Variants in KRT18 observed in about 807,000 individuals in gnomAD.
The protein encoded by KRT18 is keratin, type I cytoskeletal 18.
A neutral mutation model predicts 39.9 loss-of-function variants in KRT18; 8 were observed. The observed-to-expected ratio is 0.20, with a 90% CI of 0.12 to 0.36. KRT18 has a LOEUF of 0.36. Ranked by LOEUF, KRT18 falls within the 10% of genes least tolerant of loss-of-function variation. The probability of loss-of-function intolerance (pLI) is 1.00; values close to 1 mark genes in which losing one functional copy is unlikely to be tolerated. For synonymous variants in KRT18, 194 were observed against 227.8 expected (o/e 0.85, Z 1.33); for missense variants, 396 against 565.7 (o/e 0.70, Z 3.04).
Position 52,950,397 on chromosome 12 carries a change from G to C in KRT18, c.487G>C (p.Asp163His). The change falls in exon 2 of 7, where the codon GAC becomes CAC. Residue 163 changes from aspartate to histidine, a missense_variant. Physicochemically the swap from Asp to His is moderately conservative, Grantham distance 81. Transcript: ENST00000388835. ...TGACAATGCCCGTCTTGCTGCTGATGACTTTAGAGTCAAGTAAGTTTGGGG... is the reference window on the plus strand; with the variant it reads ...TGACAATGCCCGTCTTGCTGCTGATCACTTTAGAGTCAAGTAAGTTTGGGG... ...QIDNARLAAD[D>H]FRVKYETELA... 5 of 1,612,184 alleles carry C rather than the reference G, an allele frequency of 3.1e-6. No individual in the cohort carries two copies. Among genetic ancestry groups the C allele is most frequent in the Non-Finnish European group, 4.2e-6 (5 of 1,178,360 alleles).
chr12:52,951,363 G>T, intron 3 of KRT18, 118 bp from the exon 4 acceptor site: 1 of 1,056,000 alleles, frequency 9.5e-7, no homozygotes, highest in Non-Finnish European at 1.5e-6. Flanking sequence ...TGCAAGCCAA[G>T]GGGTTCCTCC....
At chr12:52,952,691 T>C in intron 6 of KRT18, 31 bp from the exon 7 acceptor site, 2 of 1,609,510 alleles carry the variant, frequency 1.2e-6, no homozygotes, top group South Asian at 2.2e-5. Flanking sequence ...CACGGGGCTG[T>C]TTATAACTTG....
rs1170196292 is a variant in KRT18 at position 52,949,383 on chromosome 12, T to C, written c.210T>C (p.Gly70=). ...SGGLATGIAG[G]LAGMGGIQNE... ...GCCTGGCCACCGGGATAGCCGGGGGTCTGGCAGGAATGGGAGGCATCCAGA... is the reference window on the plus strand; with the variant it reads ...GCCTGGCCACCGGGATAGCCGGGGGCCTGGCAGGAATGGGAGGCATCCAGA... The change falls in exon 1 of 7, where the codon GGT becomes GGC. Residue 70 remains glycine, a synonymous_variant. Transcript: ENST00000388835. 1 of 1,610,044 alleles carries C rather than the reference T, an allele frequency of 6.2e-7. No homozygotes were observed. Among genetic ancestry groups the C allele is most frequent in the Admixed American group, 1.7e-5 (1 of 59,926 alleles).
At chr12:52,952,387 A>G (rs1942507615) in intron 6 of KRT18, 45 bp downstream of exon 6, 1 of 1,314,186 alleles carries the variant, frequency 7.6e-7, no homozygotes, top group South Asian at 1.3e-5. Context: ...TCAGGAGATC[A>G]CTTCTCCCCA....
rs781505728 is a variant in KRT18 at position 52,952,331 on chromosome 12, C to T, written c.1161C>T (p.Gly387=). The T allele has an allele frequency of 1.3e-6, 2 of 1,598,898 alleles. No individual in the cohort carries two copies. The highest frequency in any genetic ancestry group is 1.3e-5 in the African/African-American group (1 of 74,770). Reference sequence around the variant, plus strand: ...CCTACCGCCGCCTGCTGGAAGATGGCGAGGACTTTAAGTGAGTGGGGCTCT... The same window carrying T: ...CCTACCGCCGCCTGCTGGAAGATGGTGAGGACTTTAAGTGAGTGGGGCTCT... ...IATYRRLLED[G]EDFNLGDALD... The change falls in exon 6 of 7, where the codon GGC becomes GGT. Residue 387 remains glycine (G), a synonymous_variant. Coordinates refer to ENST00000388835, the MANE Select transcript of KRT18 (RefSeq NM_000224.3).
Position 52,951,693 on chromosome 12 carries a change from C to G in KRT18, c.823-38C>G, listed in dbSNP as rs547738806. On this transcript the variant is annotated intron_variant, in intron 4 of 6. Transcript: ENST00000388835. The stretch of plus-strand genomic sequence containing the variant: ...TGCCAAGGTGTGGGAGGGAGGCAGA[C>G]GGAATGAGGGGCCTGATGGACTGTC... 2.5e-6 allele frequency: 4 copies of G among 1,612,924 alleles called. No homozygotes were observed. The East Asian group carries it at 8.9e-5, about 36-fold the overall frequency.
In KRT18 at chr12:52,950,330, C is replaced by A; in HGVS notation, c.420C>A (p.Ile140=). Residue 140 remains isoleucine (I), a splice_region_variant and synonymous_variant, in exon 2 of 7, where the codon ATC becomes ATA. Coordinates refer to ENST00000388835, the MANE Select transcript of KRT18 (RefSeq NM_000224.3). ...ACCTCTCTCTACAATCCCTCCAGAT[C>A]TTCGCAAATACTGTGGACAATGCCC... ...FKIIEDLRAQ[I]FANTVDNARI... 1 of 1,610,618 alleles carries A rather than the reference C, an allele frequency of 6.2e-7. No individual in the cohort carries two copies. Among genetic ancestry groups the A allele is most frequent in the Non-Finnish European group, 8.5e-7 (1 of 1,177,118 alleles).
chr12:52,949,905 A>G, intron 1 of KRT18: 1 of 666,960 alleles, frequency 1.5e-6, no homozygotes, highest in Non-Finnish European at 2.7e-6. Flanking sequence ...AATGGGGACT[A>G]TTGGAGGGTT....
At chr12:52,949,841 A>T in intron 1 of KRT18, 1 of 702,388 alleles carries the variant, frequency 1.4e-6, no homozygotes, top group Non-Finnish European at 2.6e-6. Context: ...AGTGGACAGC[A>T]TGGAGGGAGG....
chr12:52,949,020 T>C (rs1281787033), upstream of KRT18: 3 of 676,648 alleles, frequency 4.4e-6, no homozygotes, highest in African/African-American at 3.8e-5. Context: ...GGGCGCGGGC[T>C]CCGAGCCGTC....
intron 6 of KRT18, 171 bp downstream of exon 6, chr12:52,952,513 C>T: frequency 2.6e-6 from 2 of 755,702 alleles, no homozygotes; most frequent in East Asian, 2.6e-5. Context: ...ACAGAGGTCT[C>T]CCCCTTGAAG....
At chr12:52,951,452 C>A in intron 3 of KRT18, 29 bp from the exon 4 acceptor site, 1 of 1,612,496 alleles carries the variant, frequency 6.2e-7, no homozygotes, top group Non-Finnish European at 8.5e-7. Flanking sequence ...ACCCTGAACC[C>A]TCCTCACTTT....
chr12:52,951,059 A>G (rs1445126827), intron 3 of KRT18, among the ~76,000 whole-genome samples, 153 bp downstream of exon 3: 1 of 152,236 alleles, frequency 6.6e-6, no homozygotes, highest in Non-Finnish European at 1.5e-5. Flanking sequence ...TCTGATGAAG[A>G]GCATTCTCAG....
chr12:52,950,284 T>A, intron 1 of KRT18, 44 bp from the exon 2 acceptor site: 1 of 1,419,842 alleles, frequency 7.0e-7, no homozygotes, highest in Non-Finnish European at 1.0e-6. Flanking sequence ...CACCCATCCC[T>A]GGCTTTCTAT....
intron 6 of KRT18, 66 bp from the exon 7 acceptor site, chr12:52,952,656 T>C: frequency 6.3e-7 from 1 of 1,584,818 alleles, no homozygotes; most frequent in Admixed American, 1.7e-5. Context: ...TTTTTCCCTC[T>C]ACCTTTCTTG....
chr12:52,950,174 G>A, intron 1 of KRT18, 154 bp from the exon 2 acceptor site: 1 of 749,842 alleles, frequency 1.3e-6, no homozygotes, highest in South Asian at 1.4e-5. Flanking sequence ...AATGGGGTGG[G>A]GCTAGATGAA....
chr12:52,951,996 A>T, intron 5 of KRT18, 123 bp from the exon 6 acceptor site: 1 of 1,316,824 alleles, frequency 7.6e-7, no homozygotes, highest in Non-Finnish European at 1.1e-6. Flanking sequence ...ATTTCCCTCC[A>T]CTCCTATCCC....
At chr12:52,951,425 G>A (rs1942485596) in intron 3 of KRT18, 56 bp from the exon 4 acceptor site, 1 of 1,547,340 alleles carries the variant, frequency 6.5e-7, no homozygotes, top group Non-Finnish European at 8.9e-7. Flanking sequence ...CAGAAGAAAG[G>A]CCTTGTTGGA....
upstream of KRT18, chr12:52,949,017 G>A (rs1044175897): frequency 1.7e-5 from 11 of 644,080 alleles, no homozygotes; most frequent in Non-Finnish European, 2.9e-5. Context: ...GGAGGGCGCG[G>A]GCTCCGAGCC....
Sources: gnomAD v4.1 joint callset for allele counts (sites outside exome capture counted in the v4.1 genomes callset) on GRCh38, gnomAD v4.1.1 for gene constraint, MANE v1.5 for transcripts, NCBI Gene and HGNC (gene_info 2026-07-23, HGNC 2026-07-21) for gene names.